Variants in SWAP70 observed in about 807,000 individuals in gnomAD.
SWAP70 encodes switching B cell complex subunit SWAP70.
In SWAP70, 34 loss-of-function variants were observed where a neutral mutation model predicts 80.2. The observed-to-expected ratio is 0.42, with a 90% CI of 0.32 to 0.56. The LOEUF is 0.56. Among genes scored for constraint, SWAP70 ranks in the 20% least tolerant of loss-of-function variants. The pLI is 0.09. For missense variants in SWAP70, 578 were observed against 690.7 expected (o/e 0.84, Z 1.83); for synonymous variants, 239 against 238.5 (o/e 1.00, Z -0.02).
At chr11:9,725,569 A>ATATTTT (rs1554892086) in intron 4 of SWAP70, among the ~76,000 whole-genome samples, 1 of 26,614 alleles carries the variant, frequency 3.8e-5, no homozygotes, top group African/African-American at 1.6e-4. Context: ...ATATATATAT[A>ATATTTT]TTTTTTTTTT....
chr11:9,690,665 T>C (rs1431176409), intron 1 of SWAP70, among the ~76,000 whole-genome samples: 2 of 152,110 alleles, frequency 1.3e-5, no homozygotes, highest in Admixed American at 6.6e-5. Context: ...GGTGGGAGGA[T>C]CACTTGAGCC....
intron 3 of SWAP70, among the ~76,000 whole-genome samples, chr11:9,715,189 G>A (rs532505047): frequency 6.6e-6 from 1 of 152,126 alleles, no homozygotes; most frequent in South Asian, 2.1e-4. Flanking sequence ...ATGTTGCCCA[G>A]CCTGGTATCA....
chr11:9,743,727 G>A (rs1370392750), intron 9 of SWAP70, among the ~76,000 whole-genome samples: 3 of 151,762 alleles, frequency 2.0e-5, no homozygotes, highest in Non-Finnish European at 2.9e-5. Flanking sequence ...CATGTCCTTC[G>A]CCCACTTTTT....
In SWAP70 at chr11:9,717,190, TGAAAAA is replaced by T. The variant is rs1204029015; in HGVS notation, c.414+3552_414+3557del. ...TCGTGTATGTATGTTAAAAAGGAAA[TGAAAAA>T]TAAAACATGCTATGAAATTTTTGTC... On this transcript the variant is annotated intron_variant, in intron 3 of 11. Coordinates refer to ENST00000318950, the MANE Select transcript of SWAP70 (RefSeq NM_015055.4). 5.9e-5 allele frequency among the ~76,000 whole-genome samples: 9 copies of T among 152,186 alleles called. No individual in the cohort carries two copies. In the East Asian group the frequency reaches 1.2e-3, roughly 20 times the overall value.
At position 9,750,966 on chromosome 11, in the gene SWAP70, C is replaced by T. The variant is rs1270835998; in HGVS notation, c.*996C>T. ...CTTAAAGGAGACTACCCCTTTGCCC[C>T]ATATTGTCAACCTAATTTTCTCTCG... is the stretch of plus-strand genomic sequence containing the variant. On this transcript the variant is annotated 3_prime_UTR_variant, in exon 12 of 12. Transcript: ENST00000318950. 6.6e-6 allele frequency: 1 copy of T among 152,220 alleles called. No homozygotes were observed. Among genetic ancestry groups the T allele is most frequent in the Non-Finnish European group, 1.5e-5 (1 of 68,060 alleles). 9.4% of individuals were successfully genotyped at this position (152,220 alleles called of 1,614,324 possible).
intron 6 of SWAP70, among the ~76,000 whole-genome samples, chr11:9,731,365 T>C (rs1230006206): frequency 6.6e-6 from 1 of 152,220 alleles, no homozygotes; most frequent in African/African-American, 2.4e-5. Flanking sequence ...GGTTGAGTTA[T>C]AAATTCTGTA....
intron 7 of SWAP70, among the ~76,000 whole-genome samples, chr11:9,732,980 A>G (rs1590044026): frequency 6.6e-6 from 1 of 152,216 alleles, no homozygotes; most frequent in African/African-American, 2.4e-5. Context: ...GAATTTCGTC[A>G]GAAGAAGATG....
At chr11:9,675,320 C>A (rs868638482) in intron 1 of SWAP70, among the ~76,000 whole-genome samples, 3 of 31,488 alleles carry the variant, frequency 9.5e-5, no homozygotes, top group Non-Finnish European at 2.0e-4. Context: ...AGAGAGGGAG[C>A]GAGAGAGAGA....
chr11:9,696,097 A>G (rs1258138478), intron 2 of SWAP70, among the ~76,000 whole-genome samples: 1 of 152,234 alleles, frequency 6.6e-6, no homozygotes, highest in Non-Finnish European at 1.5e-5. Context: ...GATATTATAC[A>G]GCCAACTCTT....
chr11:9,742,731 G>A (rs1024791059), intron 9 of SWAP70, among the ~76,000 whole-genome samples: 1 of 152,182 alleles, frequency 6.6e-6, no homozygotes, highest in Admixed American at 6.5e-5. Flanking sequence ...GGCAGAGAGG[G>A]TTTGTTCTTT....
intron 9 of SWAP70, among the ~76,000 whole-genome samples, chr11:9,747,518 A>G (rs1851527180): frequency 6.6e-6 from 1 of 152,228 alleles, no homozygotes; most frequent in Non-Finnish European, 1.5e-5. Flanking sequence ...CACTTGCACC[A>G]TCTCTAAAAT....
chr11:9,685,931 G>A (rs1365129719), intron 1 of SWAP70, among the ~76,000 whole-genome samples: 3 of 151,814 alleles, frequency 2.0e-5, no homozygotes, highest in Non-Finnish European at 4.4e-5. Context: ...CATTGCTCCC[G>A]GCGAGGCCTC....
At position 9,679,880 on chromosome 11, in the gene SWAP70, A is replaced by G. The variant is rs145498297; in HGVS notation, c.100-14266A>G. Among the ~76,000 whole-genome samples, 907 of 152,220 alleles carry G rather than the reference A, an allele frequency of 6.0e-3. 12 individuals carry two copies. Among genetic ancestry groups the G allele is most frequent in the African/African-American group, 0.021 (875 of 41,520 alleles). On this transcript the variant is annotated intron_variant, in intron 1 of 11. Transcript: ENST00000318950. ...GAGACAGGGTTTCACCATGTTAGCCAGGATGGTCTTGATCTCCTGACCTTG... is the reference window on the plus strand; with the variant it reads ...GAGACAGGGTTTCACCATGTTAGCCGGGATGGTCTTGATCTCCTGACCTTG...
In SWAP70 at chr11:9,705,217, C is replaced by A. The variant is rs1401194540; in HGVS notation, c.241-8249C>A. Reference sequence around the variant, plus strand: ...CTGGTGATCTGTATACACTGGTGATCTGTATGCACTGGTGATATGTATATA... The same window carrying A: ...CTGGTGATCTGTATACACTGGTGATATGTATGCACTGGTGATATGTATATA... On this transcript the variant is annotated intron_variant, in intron 2 of 11. Transcript: ENST00000318950. Among the ~76,000 whole-genome samples, 18 of 137,142 alleles carry A rather than the reference C, an allele frequency of 1.3e-4. 2 individuals are homozygous for A. Among genetic ancestry groups the A allele is most frequent in the South Asian group, 2.4e-4 (1 of 4,246 alleles). The allele number at this position is 137,142 out of a possible 152,430, so 90.0% of individuals were successfully genotyped here.
At chr11:9,724,013 A>T (rs1851174962) in intron 3 of SWAP70, among the ~76,000 whole-genome samples, 1 of 151,886 alleles carries the variant, frequency 6.6e-6, no homozygotes, top group Non-Finnish European at 1.5e-5. Flanking sequence ...GCCTCAAGTG[A>T]TCCTCCTGCC....
intron 7 of SWAP70, among the ~76,000 whole-genome samples, chr11:9,733,229 C>A (rs1851322741): frequency 6.6e-6 from 1 of 152,178 alleles, no homozygotes; most frequent in South Asian, 2.1e-4. Flanking sequence ...AGTTGATGTT[C>A]ACTGGGAACA....
intron 1 of SWAP70, among the ~76,000 whole-genome samples, chr11:9,693,353 C>G (rs1193613131): frequency 2.0e-5 from 3 of 152,142 alleles, no homozygotes; most frequent in African/African-American, 7.2e-5. Context: ...ACTACTGTAC[C>G]TGGACTTTGA....
rs187497140 is a variant in SWAP70 at position 9,722,172 on chromosome 11, C to G, written c.415-2486C>G. On this transcript the variant is annotated intron_variant, in intron 3 of 11. Coordinates refer to ENST00000318950, the MANE Select transcript of SWAP70 (RefSeq NM_015055.4). ...ATTGTGCAAATTGCTCTGTATTTGT[C>G]TCATTTCACCCCACAGCATTTCTGT... Among the ~76,000 whole-genome samples, 9 of 152,310 alleles carry G rather than the reference C, an allele frequency of 5.9e-5. No homozygotes were observed. The East Asian group carries it at 1.5e-3, about 26-fold the overall frequency.
At chr11:9,700,667 AC>A (rs1395117583) in intron 2 of SWAP70, among the ~76,000 whole-genome samples, 1 of 152,184 alleles carries the variant, frequency 6.6e-6, no homozygotes, top group Non-Finnish European at 1.5e-5. Flanking sequence ...TAATTTCACC[AC>A]CAGTGTTTCT....
Sources: allele counts gnomAD v4.1 joint callset (sites outside exome capture counted in the v4.1 genomes callset), GRCh38; gene constraint gnomAD v4.1.1; transcripts MANE v1.5; gene names NCBI Gene and HGNC (gene_info 2026-07-23, HGNC 2026-07-21).